GLYR1: variants seen among roughly 807,000 people sequenced by gnomAD.
GLYR1 encodes glyoxylate reductase 1 homolog.
Under a neutral mutation model 72.7 loss-of-function variants are expected in GLYR1, and 21 were observed. That is an observed-to-expected ratio of 0.29 (90% CI 0.20 to 0.42). GLYR1 has a LOEUF of 0.42. GLYR1 is among the 10% of genes least tolerant of loss of function. The pLI is 1.00. For missense variants in GLYR1, 594 were observed against 712.1 expected, an observed-to-expected ratio of 0.83 and a Z score of 1.89; for synonymous variants, 392 against 270.2, an observed-to-expected ratio of 1.45 and a Z score of -4.42.
Position 4,823,880 on chromosome 16 carries a change from C to G in GLYR1, c.565G>C (p.Val189Leu). ...KDLTIPESST[V>L]KGMMAGPMAA... The stretch of plus-strand genomic sequence containing the variant: ...ATCGGTCCGGCCATCATCCCCTTCA[C>G]GGTACTAGACTCCGGGATGGTGAGA... The change falls in exon 6 of 16, where the codon GTG becomes CTG. Residue 189 changes from valine to leucine, a missense_variant. Transcript: ENST00000321919. 1.9e-6 allele frequency: 3 copies of G among 1,614,094 alleles called. No homozygotes were observed. The highest frequency in any genetic ancestry group is 2.5e-6 in the Non-Finnish European group (3 of 1,180,014).
At chr16:4,835,415 A>G (rs1159889381) in intron 3 of GLYR1, among the ~76,000 whole-genome samples, 1 of 152,246 alleles carries the variant, frequency 6.6e-6, no homozygotes, top group African/African-American at 2.4e-5. Flanking sequence ...CATCTTCGAA[A>G]CATTAAAATG....
At chr16:4,824,216 T>G (rs2084230330) in intron 5 of GLYR1, among the ~76,000 whole-genome samples, 2 of 152,058 alleles carry the variant, frequency 1.3e-5, no homozygotes, top group Non-Finnish European at 2.9e-5. Flanking sequence ...TACCAAACAT[T>G]AAGAAACAGT....
At chr16:4,816,641 G>C (rs1339046686) in intron 10 of GLYR1, among the ~76,000 whole-genome samples, 1 of 151,920 alleles carries the variant, frequency 6.6e-6, no homozygotes, top group East Asian at 1.9e-4. Context: ...ATTAGTTCTA[G>C]ATTTACAAAG....
intron 15 of GLYR1, 94 bp from the exon 16 acceptor site, chr16:4,805,404 G>T: frequency 9.6e-7 from 1 of 1,042,962 alleles, no homozygotes; most frequent in Non-Finnish European, 1.5e-6. Flanking sequence ...GTGGCCAGCA[G>T]GCAGTGCTGG....
Position 4,811,650 on chromosome 16 carries a change from T to C in GLYR1, c.1435A>G (p.Ser479Gly). ...TGGCACTTCTGGTCCAGGAAGATGCTGGCCAACTGTCCCTGATTGAGGATG... is the reference window on the plus strand; with the variant it reads ...TGGCACTTCTGGTCCAGGAAGATGCCGGCCAACTGTCCCTGATTGAGGATG... ...LDILNQGQLA[S>G]IFLDQKCQNI... The change falls in exon 14 of 16, where the codon AGC becomes GGC. Residue 479 changes from serine (S) to glycine (G), a missense_variant. Coordinates refer to ENST00000321919, the MANE Select transcript of GLYR1 (RefSeq NM_032569.4). The C allele has an allele frequency of 6.2e-7, 1 of 1,614,134 alleles. No homozygotes were observed. Among genetic ancestry groups the C allele is most frequent in the Non-Finnish European group, 8.5e-7 (1 of 1,180,046 alleles).
At chr16:4,838,590 T>C (rs1460535455) in intron 3 of GLYR1, among the ~76,000 whole-genome samples, 4 of 151,620 alleles carry the variant, frequency 2.6e-5, no homozygotes, top group African/African-American at 9.7e-5. Flanking sequence ...ATGAAACTTT[T>C]CTTTTTTTTT....
intron 10 of GLYR1, among the ~76,000 whole-genome samples, chr16:4,815,943 G>A (rs2083612304): frequency 6.6e-6 from 1 of 151,646 alleles, no homozygotes; most frequent in African/African-American, 2.4e-5. Context: ...CACTGTGCCC[G>A]GCTAATTTTT....
rs551141317 is a variant in GLYR1 at position 4,817,264 on chromosome 16, T to C, written c.906+334A>G. On this transcript the variant is annotated intron_variant, in intron 10 of 15. Coordinates refer to ENST00000321919, the MANE Select transcript of GLYR1 (RefSeq NM_032569.4). Reference sequence around the variant, plus strand: ...CCTCTGGAGCAGCTGGGACTACAGGTGCCCGCCACCACGCCCGGCTAATTT... The same window carrying C: ...CCTCTGGAGCAGCTGGGACTACAGGCGCCCGCCACCACGCCCGGCTAATTT... Among the ~76,000 whole-genome samples the C allele has an allele frequency of 4.3e-4, 65 of 151,314 alleles. 1 individual carries two copies. Among genetic ancestry groups the C allele is most frequent in the South Asian group, 4.2e-3 (20 of 4,730 alleles).
Position 4,821,435 on chromosome 16 carries a change from T to C in GLYR1, c.751A>G (p.Ile251Val). The C allele has an allele frequency of 1.2e-6, 2 of 1,613,942 alleles. No individual in the cohort carries two copies. Among genetic ancestry groups the C allele is most frequent in the South Asian group, 1.1e-5 (1 of 91,076 alleles). Reference protein sequence around the residue: ...ICEEETGSTSIQAADSTAVNG... With the variant: ...ICEEETGSTSVQAADSTAVNG... ...ACGGCTGTGCTGTCAGCTGCCTGGA[T>C]GGAGGTGGAGCCAGTTTCCTACGGA... The change falls in exon 9 of 16, where the codon ATC (isoleucine) becomes GTC (valine). Residue 251 changes from isoleucine (I) to valine (V), a missense_variant. Transcript: ENST00000321919.
At chr16:4,846,890 G>C in intron 1 of GLYR1, 1 of 379,016 alleles carries the variant, frequency 2.6e-6, no homozygotes, top group South Asian at 3.2e-5. Context: ...TTTCTGGGAA[G>C]CCCCAACAAG....
intron 5 of GLYR1, among the ~76,000 whole-genome samples, chr16:4,826,505 T>A (rs919829043): frequency 6.6e-6 from 1 of 152,208 alleles, no homozygotes; most frequent in Non-Finnish European, 1.5e-5. Context: ...CATGCTGCCA[T>A]ACAGTCCAGG....
In GLYR1 at chr16:4,832,100, T is replaced by C. The variant is rs1268229271; in HGVS notation, c.416A>G (p.Asn139Ser). ...LSLSEGKVKK[N>S]MGEGKKRVSS... Reference sequence around the variant, plus strand: ...CACCCTCTTCTTTCCTTCTCCCATGTTCTTCTTCACCTTCCCTTCAGACAG... The same window carrying C: ...CACCCTCTTCTTTCCTTCTCCCATGCTCTTCTTCACCTTCCCTTCAGACAG... Residue 139 changes from asparagine (N) to serine (S), a missense_variant, in exon 5 of 16, where the codon AAC becomes AGC. This residue lies in a region of GLYR1 where 252 missense variants were observed against 211.3 expected (regional missense o/e 1.19). Transcript: ENST00000321919. 14 of 1,614,226 alleles carry C rather than the reference T, an allele frequency of 8.7e-6. No individual in the cohort carries two copies. The highest frequency in any genetic ancestry group is 1.2e-5 in the Non-Finnish European group (14 of 1,180,048).
In GLYR1 at chr16:4,805,171, G is replaced by A. The variant is rs2082895726; in HGVS notation, c.*65C>T. ...GTCCAGAATGAACTCCCAGGCCCCCGACCCCATGTGAGGAAGAGGGGGTCA... is the reference window on the plus strand; with the variant it reads ...GTCCAGAATGAACTCCCAGGCCCCCAACCCCATGTGAGGAAGAGGGGGTCA... On this transcript the variant is annotated 3_prime_UTR_variant, in exon 16 of 16. Transcript: ENST00000321919. The A allele has an allele frequency of 1.4e-5, 19 of 1,385,062 alleles. No homozygotes were observed. The highest frequency in any genetic ancestry group is 1.8e-4 in the Middle Eastern group (1 of 5,642). The allele number at this position is 1,385,062 out of a possible 1,614,324, so 85.8% of individuals were successfully genotyped here. A position where few individuals can be genotyped will look rare whatever the true frequency, so the allele number is the denominator to read the frequency against.
In GLYR1 at chr16:4,803,789, C is replaced by A. The variant is rs1483676499; in HGVS notation, c.*1447G>T. ...GAAGGACCCCGCCCTAGTGTGGCCA[C>A]CCTATATATAATTACATATTGCATC... On this transcript the variant is annotated 3_prime_UTR_variant, in exon 16 of 16. Coordinates refer to ENST00000321919, the MANE Select transcript of GLYR1 (RefSeq NM_032569.4). The A allele has an allele frequency of 6.6e-6, 1 of 152,214 alleles. No individual in the cohort carries two copies. The highest frequency in any genetic ancestry group is 1.5e-5 in the Non-Finnish European group (1 of 68,042). The allele number at this position is 152,214 out of a possible 1,614,324, so 9.4% of individuals were successfully genotyped here.
At chr16:4,842,426 T>G (rs1029065225) in intron 3 of GLYR1, among the ~76,000 whole-genome samples, 1 of 152,100 alleles carries the variant, frequency 6.6e-6, no homozygotes, top group African/African-American at 2.4e-5. Context: ...CATGGCTCAC[T>G]GCAGTTTTGA....
Position 4,831,404 on chromosome 16 carries a change from C to T in GLYR1, c.537+575G>A, listed in dbSNP as rs545232140. On this transcript the variant is annotated intron_variant, in intron 5 of 15. Transcript: ENST00000321919. ...TTTAGTACCACGCTGCTTCAGTAGA[C>T]CTTCAGGCCCTCCACGATCCAGGGA... 1.2e-4 allele frequency among the ~76,000 whole-genome samples: 18 copies of T among 152,326 alleles called. No homozygotes were observed. In the East Asian group the frequency reaches 3.5e-3, roughly 29 times the overall value.
chr16:4,828,761 T>C (rs1229864908), intron 5 of GLYR1, among the ~76,000 whole-genome samples: 9 of 152,128 alleles, frequency 5.9e-5, no homozygotes, highest in Non-Finnish European at 1.0e-4. Context: ...CGTACTGTTG[T>C]AATTCCTAAC....
intron 5 of GLYR1, among the ~76,000 whole-genome samples, chr16:4,826,111 A>C (rs969529061): frequency 2.0e-5 from 3 of 151,978 alleles, no homozygotes; most frequent in African/African-American, 7.3e-5. Context: ...GCAGTGACTC[A>C]ATTATGGCTC....
At chr16:4,806,307 G>C (rs1028445428) in intron 15 of GLYR1, among the ~76,000 whole-genome samples, 19 of 152,146 alleles carry the variant, frequency 1.2e-4, no homozygotes, top group Admixed American at 1.3e-4. Context: ...AAATGCTTCT[G>C]TGTGGTTGCA....
Sources: allele counts gnomAD v4.1 joint callset (sites outside exome capture counted in the v4.1 genomes callset), GRCh38; gene constraint gnomAD v4.1.1; regional missense constraint gnomAD v4.1.1; transcripts MANE v1.5; gene names NCBI Gene and HGNC (gene_info 2026-07-23, HGNC 2026-07-21).